Variants in RNF150 observed in about 807,000 individuals in gnomAD.
RNF150 encodes ring finger protein 150.
A neutral mutation model predicts 39.3 loss-of-function variants in RNF150; 24 were observed. The observed-to-expected ratio is 0.61, with a 90% CI of 0.44 to 0.86. The LOEUF (loss-of-function observed/expected upper bound fraction) is 0.86, where lower values mean the gene tolerates loss of function less well. Among genes scored for constraint, RNF150 ranks in the 40% least tolerant of loss-of-function variants. The pLI is 0.00. For synonymous variants in RNF150, 255 were observed against 227.3 expected (o/e 1.12, Z -1.10); for missense variants, 502 against 587.8 (o/e 0.85, Z 1.51).
chr4:141,130,489 T>G (rs1378191942), intron 1 of RNF150, among the ~76,000 whole-genome samples: 1 of 152,240 alleles, frequency 6.6e-6, no homozygotes, highest in African/African-American at 2.4e-5. Flanking sequence ...AAGCATCATT[T>G]GTGTGGGAAA....
chr4:140,950,455 GAATGA>G (rs1383245857), intron 2 of RNF150, among the ~76,000 whole-genome samples: 5 of 152,206 alleles, frequency 3.3e-5, no homozygotes, highest in Admixed American at 6.5e-5. Context: ...CTATTTAATA[GAATGA>G]ACTGAGGCTT....
chr4:141,088,001 A>T (rs34189599), intron 1 of RNF150, among the ~76,000 whole-genome samples: 57,007 of 151,980 alleles, frequency 0.38, 11,485 homozygotes, highest in East Asian at 0.76. Flanking sequence ...TGGAAGGAAG[A>T]TGAGCTCTGA....
intron 6 of RNF150, among the ~76,000 whole-genome samples, chr4:140,909,888 C>T (rs1180145636): frequency 6.6e-6 from 1 of 152,154 alleles, no homozygotes; most frequent in African/African-American, 2.4e-5. Context: ...TCTCACCAAG[C>T]TCCTCTTCAA....
rs1732378200 is a variant in RNF150 at position 140,947,731 on chromosome 4, T to C, written c.813A>G (p.Thr271=). 1 of 1,592,222 alleles carries C rather than the reference T, an allele frequency of 6.3e-7. No individual in the cohort carries two copies. Among genetic ancestry groups the C allele is most frequent in the Non-Finnish European group, 8.5e-7 (1 of 1,170,696 alleles). Residue 271 remains threonine (T), a synonymous_variant, in exon 4 of 7, where the codon ACA becomes ACG. Transcript: ENST00000515673. ...CTGCACAGTTGTCAAAATCAGACTC[T>C]GTTTCCTGCAACAGAGGAAGCACAG... ...IRTIKKGDKE[T]ESDFDNCAVC... is the part of the protein sequence containing the mutation.
intron 1 of RNF150, among the ~76,000 whole-genome samples, chr4:141,206,419 C>CA (rs58176149): frequency 0.012 from 790 of 64,046 alleles, 15 homozygotes; most frequent in African/African-American, 0.033. Flanking sequence ...GACTCAATCT[C>CA]AAAAAAAAAA....
chr4:140,899,974 C>CTCTCTCTCTCTCTGTG (rs1365683071), intron 6 of RNF150, among the ~76,000 whole-genome samples: 1 of 69,216 alleles, frequency 1.4e-5, no homozygotes, highest in African/African-American at 4.3e-5. Context: ...CTCTCTCTCT[C>CTCTCTCTCTCTCTGTG]TGTGTGTGTG....
chr4:141,029,227 T>C (rs1735833737), intron 1 of RNF150, among the ~76,000 whole-genome samples: 1 of 152,200 alleles, frequency 6.6e-6, no homozygotes, highest in Non-Finnish European at 1.5e-5. Flanking sequence ...TCTATACAGG[T>C]TACTTGGTAT....
intron 6 of RNF150, among the ~76,000 whole-genome samples, chr4:140,907,920 G>T (rs1730451689): frequency 6.6e-6 from 1 of 152,168 alleles, no homozygotes; most frequent in African/African-American, 2.4e-5. Context: ...AAGGGTGCCT[G>T]GTATGTAATA....
chr4:140,868,415 A>C (rs1487362323), intron 6 of RNF150, 36 bp from the exon 7 acceptor site: 2 of 1,134,432 alleles, frequency 1.8e-6, no homozygotes, highest in Non-Finnish European at 2.7e-6. Flanking sequence ...GTGAACACCG[A>C]GCTATGTCTT....
Position 141,183,619 on chromosome 4 carries a change from G to T in RNF150, c.-6+29175C>A, listed in dbSNP as rs552214213. On this transcript the variant is annotated intron_variant, in intron 1 of 7. Coordinates refer to the RNF150 transcript ENST00000420921. ...TGTTATATATGTATACATGTGCCAT[G>T]GTACTGTTTAAGCCCCACATGCATT... Among the ~76,000 whole-genome samples the T allele has an allele frequency of 2.0e-3, 300 of 152,088 alleles. 1 individual carries two copies. Among genetic ancestry groups the T allele is most frequent in the African/African-American group, 6.8e-3 (281 of 41,472 alleles).
intron 2 of RNF150, among the ~76,000 whole-genome samples, chr4:140,951,441 G>A (rs1235616743): frequency 3.3e-5 from 5 of 151,914 alleles, no homozygotes; most frequent in South Asian, 2.1e-4. Context: ...ATACACACAC[G>A]TACACACACA....
intron 1 of RNF150, among the ~76,000 whole-genome samples, chr4:141,015,191 T>C (rs1385936689): frequency 1.3e-5 from 2 of 152,216 alleles, no homozygotes; most frequent in Middle Eastern, 3.2e-3. Flanking sequence ...TCTGCTTTTA[T>C]GCTAGTATCG....
At chr4:141,068,559 T>G (rs1292615332) in intron 1 of RNF150, among the ~76,000 whole-genome samples, 1 of 151,932 alleles carries the variant, frequency 6.6e-6, no homozygotes, top group Non-Finnish European at 1.5e-5. Context: ...TTTGGTTCCA[T>G]ATGAACTTTA....
chr4:140,996,187 TATCTC>T (rs1358081223), intron 1 of RNF150, among the ~76,000 whole-genome samples: 1 of 152,228 alleles, frequency 6.6e-6, no homozygotes. Context: ...GGTGAGATGA[TATCTC>T]ATAGTAGTTT....
At chr4:141,111,956 A>G (rs1161226576) in intron 1 of RNF150, among the ~76,000 whole-genome samples, 1 of 152,200 alleles carries the variant, frequency 6.6e-6, no homozygotes, top group Non-Finnish European at 1.5e-5. Context: ...CAGTAGGAGA[A>G]ATGCAAAAGA....
chr4:140,922,495 C>G (rs1464626824), intron 5 of RNF150, among the ~76,000 whole-genome samples: 1 of 151,902 alleles, frequency 6.6e-6, no homozygotes, highest in Admixed American at 6.6e-5. Context: ...GAAGAACATT[C>G]CATGCTCATA....
chr4:141,168,417 C>T, intron 1 of RNF150, among the ~76,000 whole-genome samples: 1 of 152,062 alleles, frequency 6.6e-6, no homozygotes, highest in East Asian at 1.9e-4. Context: ...CCATAAATAC[C>T]ATTTGACCCA....
intron 1 of RNF150, among the ~76,000 whole-genome samples, chr4:141,120,102 C>T (rs1251500232): frequency 1.3e-5 from 2 of 152,176 alleles, no homozygotes; most frequent in Non-Finnish European, 2.9e-5. Context: ...TCTATAAATA[C>T]AGCCGTTAAG....
intron 4 of RNF150, among the ~76,000 whole-genome samples, chr4:140,936,792 A>G (rs1319162393): frequency 6.6e-6 from 1 of 152,182 alleles, no homozygotes; most frequent in East Asian, 1.9e-4. Flanking sequence ...ATTAGGAAAC[A>G]TCTTACAATC....
Sources: gnomAD v4.1 joint callset for allele counts (sites outside exome capture counted in the v4.1 genomes callset) on GRCh38, gnomAD v4.1.1 for gene constraint, MANE v1.5 for transcripts, NCBI Gene and HGNC (gene_info 2026-07-23, HGNC 2026-07-21) for gene names.